DROSHA: variants seen among roughly 807,000 people sequenced by gnomAD.
DROSHA encodes ribonuclease 3.
In DROSHA, 56 loss-of-function variants were observed where a neutral mutation model predicts 181.9. The observed-to-expected ratio is 0.31, with a 90% CI of 0.25 to 0.38. DROSHA has a LOEUF of 0.38. Ranked by LOEUF, DROSHA falls within the 10% of genes least tolerant of loss-of-function variation. The probability of loss-of-function intolerance (pLI) is 1.00; values close to 1 mark genes in which losing one functional copy is unlikely to be tolerated. For missense variants in DROSHA, 1,218 were observed against 1,743.5 expected (o/e 0.70, Z 5.37); for synonymous variants, 524 against 591.2 (o/e 0.89, Z 1.65).
intron 16 of DROSHA, among the ~76,000 whole-genome samples, chr5:31,482,574 A>T (rs1402955505): frequency 6.6e-6 from 1 of 152,166 alleles, no homozygotes; most frequent in African/African-American, 2.4e-5. Flanking sequence ...AGTGGTGACA[A>T]TCCTTACAGT....
At chr5:31,418,832 T>C (rs2149993685) in intron 30 of DROSHA, among the ~76,000 whole-genome samples, 1 of 152,220 alleles carries the variant, frequency 6.6e-6, no homozygotes, top group Non-Finnish European at 1.5e-5. Context: ...CAGGGAATAC[T>C]GGACGAGGAC....
rs1337594271 is a variant in DROSHA at position 31,417,555 on chromosome 5, C to T, written c.3525+3717G>A. On this transcript the variant is annotated intron_variant, in intron 30 of 35. Transcript: ENST00000344624. ...TGATAACCATAAAAGTGGTCAGAAT[C>T]TACACAGAACTTAAACAAATGTACA... Among the ~76,000 whole-genome samples the T allele has an allele frequency of 2.6e-5, 4 of 152,194 alleles. No homozygotes were observed. In the East Asian group the frequency reaches 7.7e-4, roughly 29 times the overall value.
At chr5:31,477,172 G>A (rs956789535) in intron 16 of DROSHA, among the ~76,000 whole-genome samples, 8 of 152,150 alleles carry the variant, frequency 5.3e-5, no homozygotes, top group Non-Finnish European at 1.2e-4. Flanking sequence ...TGAACTGACA[G>A]ACTTTATAAA....
chr5:31,449,718 C>A (rs1405911154), intron 21 of DROSHA, among the ~76,000 whole-genome samples: 11 of 152,046 alleles, frequency 7.2e-5, no homozygotes, highest in African/African-American at 2.7e-4. Flanking sequence ...CAGAGGGAGA[C>A]CCTGTCTCAA....
At chr5:31,438,891 G>A (rs574541928) in intron 23 of DROSHA, among the ~76,000 whole-genome samples, 10 of 152,200 alleles carry the variant, frequency 6.6e-5, no homozygotes, top group African/African-American at 2.2e-4. Context: ...GGAGGAAAAC[G>A]AAGCCAGTAT....
At chr5:31,511,705 A>C (rs2150054668) in intron 8 of DROSHA, among the ~76,000 whole-genome samples, 1 of 151,936 alleles carries the variant, frequency 6.6e-6, no homozygotes, top group African/African-American at 2.4e-5. Flanking sequence ...ATCTAAAAAA[A>C]AAAAAACAGA....
intron 27 of DROSHA, 90 bp from the exon 28 acceptor site, chr5:31,424,561 A>C: frequency 6.9e-7 from 1 of 1,441,316 alleles, no homozygotes; most frequent in Non-Finnish European, 9.4e-7. Context: ...TGAAATACGG[A>C]ACTATTTCAG....
chr5:31,405,554 A>G, intron 35 of DROSHA, 123 bp downstream of exon 35: 1 of 904,708 alleles, frequency 1.1e-6, no homozygotes, highest in Non-Finnish European at 1.7e-6. Flanking sequence ...TGTGTAAAGA[A>G]TAATTCTGAA....
intron 20 of DROSHA, among the ~76,000 whole-genome samples, chr5:31,455,628 T>C (rs1747564671): frequency 6.6e-6 from 1 of 151,568 alleles, no homozygotes; most frequent in Admixed American, 6.6e-5. Context: ...CTTAAACTCA[T>C]ATTGTTATCA....
chr5:31,472,000 G>A, intron 17 of DROSHA, 63 bp downstream of exon 17: 1 of 1,435,768 alleles, frequency 7.0e-7, no homozygotes, highest in Non-Finnish European at 9.2e-7. Flanking sequence ...CTGTTTTCAT[G>A]AAACATTCAG....
rs1169404526 is a variant in DROSHA at position 31,478,020 on chromosome 5, T to C, written c.2071+5534A>G. On this transcript the variant is annotated intron_variant, in intron 16 of 35. Coordinates refer to ENST00000344624, the MANE Select transcript of DROSHA (RefSeq NM_001382508.1). ...GATAAACTGAAGAATTAGAGAAATA[T>C]GATGATGACTTATAAAACTTGAATT... Among the ~76,000 whole-genome samples the C allele has an allele frequency of 3.9e-5, 6 of 152,304 alleles. No homozygotes were observed. The East Asian group carries it at 1.2e-3, about 29-fold the overall frequency.
At chr5:31,440,377 G>A (rs1417728989) in intron 23 of DROSHA, among the ~76,000 whole-genome samples, 1 of 152,120 alleles carries the variant, frequency 6.6e-6, no homozygotes, top group African/African-American at 2.4e-5. Flanking sequence ...TCCATATATA[G>A]TAGAAAATTT....
intron 20 of DROSHA, among the ~76,000 whole-genome samples, chr5:31,458,820 A>G (rs1344427186): frequency 6.6e-6 from 1 of 152,246 alleles, no homozygotes; most frequent in African/African-American, 2.4e-5. Context: ...TGGGCAGTGC[A>G]GTTTTAGATC....
intron 33 of DROSHA, 44 bp from the exon 34 acceptor site, chr5:31,406,989 T>G (rs1407553914): frequency 9.6e-6 from 15 of 1,565,426 alleles, no homozygotes; most frequent in Non-Finnish European, 1.3e-5. Flanking sequence ...AAAGTGTTAT[T>G]TGTCATGGTT....
Position 31,468,042 on chromosome 5 carries a change from C to A in DROSHA, c.2263G>T (p.Asp755Tyr). The change falls in exon 18 of 36, where the codon GAT (aspartate) becomes TAT (tyrosine). Residue 755 changes from aspartate to tyrosine, a missense_variant. Coordinates refer to ENST00000344624, the MANE Select transcript of DROSHA (RefSeq NM_001382508.1). The stretch of plus-strand genomic sequence containing the variant: ...TTGAACTGTTCACGATCCAGTTGAT[C>A]GATACGGACAGAGCTTGGTTTCTAG... ...PGTKPSSVRIDQLDREQFNPD... is the reference protein window; with the variant it reads ...PGTKPSSVRIYQLDREQFNPD... 1 of 1,611,000 alleles carries A rather than the reference C, an allele frequency of 6.2e-7. No homozygotes were observed. Among genetic ancestry groups the A allele is most frequent in the South Asian group, 1.1e-5 (1 of 90,208 alleles).
chr5:31,472,288 G>A, intron 16 of DROSHA, 56 bp from the exon 17 acceptor site: 1 of 1,508,252 alleles, frequency 6.6e-7, no homozygotes, highest in South Asian at 1.3e-5. Flanking sequence ...TCAACTTACA[G>A]CAAATCAACA....
chr5:31,425,706 T>C (rs1743378711), intron 27 of DROSHA, among the ~76,000 whole-genome samples: 1 of 152,160 alleles, frequency 6.6e-6, no homozygotes, highest in Non-Finnish European at 1.5e-5. Context: ...TTACTCCATA[T>C]GGAACATGAT....
At chr5:31,475,338 A>C (rs1053195729) in intron 16 of DROSHA, among the ~76,000 whole-genome samples, 1 of 152,158 alleles carries the variant, frequency 6.6e-6, no homozygotes, top group Non-Finnish European at 1.5e-5. Flanking sequence ...ATAAAATAAT[A>C]AAAACACATT....
rs972610581 is a variant in DROSHA, at chr5:31,411,707, A to G, written c.3526-820T>C. On this transcript the variant is annotated intron_variant, in intron 30 of 35. Coordinates refer to ENST00000344624, the MANE Select transcript of DROSHA (RefSeq NM_001382508.1). This position sits in a 1 kb window ranked among gnomAD's most constrained non-coding sequence, Gnocchi z 4.2. ...TGGTGCACCATCTTGGCTCACTGCA[A>G]CCTCCACCTTCTGGACTCAAGCTAT... Among the ~76,000 whole-genome samples, 2 of 151,864 alleles carry G rather than the reference A, an allele frequency of 1.3e-5. No individual in the cohort carries two copies. The highest frequency in any genetic ancestry group is 4.8e-5 in the African/African-American group (2 of 41,304).
Sources: gnomAD v4.1 joint callset for allele counts (sites outside exome capture counted in the v4.1 genomes callset) on GRCh38, gnomAD v4.1.1 for gene constraint, Gnocchi (gnomAD v3.1) non-coding constraint, MANE v1.5 for transcripts, NCBI Gene and HGNC (gene_info 2026-07-23, HGNC 2026-07-21) for gene names.